Variants in MARCHF1 observed in about 807,000 individuals in gnomAD.
MARCHF1 encodes the protein membrane associated ring-CH-type finger 1.
MARCHF1 carries 40 observed loss-of-function variants against 54.2 expected under a neutral mutation model. The ratio of observed to expected loss-of-function variants is 0.74; its 90% confidence interval spans 0.57 to 0.96. The LOEUF is 0.96. Ranked by LOEUF, MARCHF1 falls within the 40% of genes least tolerant of loss-of-function variation. The pLI, the probability that MARCHF1 is intolerant of heterozygous loss-of-function variation, is 0.00. For synonymous variants in MARCHF1, 236 were observed against 236.3 expected, an observed-to-expected ratio of 1.00 and a Z score of 0.01; for missense variants, 586 against 656.5, an observed-to-expected ratio of 0.89 and a Z score of 1.17.
intron 1 of MARCHF1, among the ~76,000 whole-genome samples, chr4:164,154,858 C>T (rs1730035182): frequency 6.6e-6 from 1 of 152,192 alleles, no homozygotes; most frequent in Non-Finnish European, 1.5e-5. Context: ...ACTCAGGTCA[C>T]ACACGGACTT....
At chr4:163,671,646 T>C (rs1051094951) in intron 5 of MARCHF1, among the ~76,000 whole-genome samples, 1 of 152,200 alleles carries the variant, frequency 6.6e-6, no homozygotes, top group Non-Finnish European at 1.5e-5. Context: ...CCTTATGCTA[T>C]ATTTTCTTAT....
At chr4:164,099,728 T>A (rs1755497282) in intron 2 of MARCHF1, among the ~76,000 whole-genome samples, 1 of 152,172 alleles carries the variant, frequency 6.6e-6, no homozygotes, top group Admixed American at 6.5e-5. Context: ...AAAAACCTTT[T>A]AAAATATATT....
intron 2 of MARCHF1, among the ~76,000 whole-genome samples, chr4:164,086,932 C>T (rs1755204310): frequency 6.6e-6 from 1 of 151,922 alleles, no homozygotes; most frequent in South Asian, 2.1e-4. Flanking sequence ...AAAAACTAAC[C>T]TTAAAAACAC....
intron 1 of MARCHF1, chr4:164,189,560 A>G (rs1363070168): frequency 2.2e-6 from 2 of 916,368 alleles, no homozygotes; most frequent in Non-Finnish European, 3.6e-6. Flanking sequence ...GCTGTAGTGC[A>G]TGGTGCTGCT....
intron 3 of MARCHF1, among the ~76,000 whole-genome samples, chr4:163,879,959 CAT>C (rs1750379275): frequency 6.6e-6 from 1 of 152,010 alleles, no homozygotes; most frequent in African/African-American, 2.4e-5. Context: ...CCTAAGGTAA[CAT>C]CTAATTAGCA....
chr4:163,761,590 G>A (rs1746827258), intron 4 of MARCHF1, among the ~76,000 whole-genome samples: 1 of 152,194 alleles, frequency 6.6e-6, no homozygotes, highest in Non-Finnish European at 1.5e-5. Flanking sequence ...CAGAATGTCT[G>A]AATGATAGCA....
intron 1 of MARCHF1, among the ~76,000 whole-genome samples, chr4:164,359,392 C>T (rs1294585116): frequency 1.3e-5 from 2 of 152,158 alleles, no homozygotes; most frequent in African/African-American, 4.8e-5. Flanking sequence ...TTCCATCAAG[C>T]TACTATTTCT....
intron 5 of MARCHF1, among the ~76,000 whole-genome samples, chr4:163,677,326 G>T (rs1476906294): frequency 6.6e-6 from 1 of 152,104 alleles, no homozygotes; most frequent in South Asian, 2.1e-4. Flanking sequence ...GTGTGATTTG[G>T]TCATCATTTA....
intron 3 of MARCHF1, among the ~76,000 whole-genome samples, chr4:163,879,881 T>C (rs1750377849): frequency 6.6e-6 from 1 of 151,374 alleles, no homozygotes. Flanking sequence ...GTAACTTGCA[T>C]ACATTGAAAG....
intron 9 of MARCHF1, among the ~76,000 whole-genome samples, chr4:163,534,160 C>CAGGGA (rs1290993049): frequency 1.3e-5 from 2 of 152,016 alleles, no homozygotes; most frequent in Non-Finnish European, 2.9e-5. Context: ...GAACCCACTC[C>CAGGGA]AGGGAGAAAA....
intron 1 of MARCHF1, among the ~76,000 whole-genome samples, chr4:164,223,518 G>T (rs62348001): frequency 6.6e-6 from 1 of 151,986 alleles, no homozygotes. Flanking sequence ...TCAAGCAATA[G>T]ATATTTATGT....
intron 2 of MARCHF1, among the ~76,000 whole-genome samples, chr4:164,075,114 G>C (rs1754950223): frequency 6.6e-6 from 1 of 151,982 alleles, no homozygotes; most frequent in South Asian, 2.1e-4. Flanking sequence ...GTTATCTCAG[G>C]CTTTTCTATT....
chr4:164,096,019 G>A (rs1276873712), intron 2 of MARCHF1, among the ~76,000 whole-genome samples: 1 of 151,996 alleles, frequency 6.6e-6, no homozygotes, highest in East Asian at 1.9e-4. Flanking sequence ...ATTTCTTAAA[G>A]AACTAAAAAA....
chr4:163,537,790 C>T (rs1738589280), intron 9 of MARCHF1, among the ~76,000 whole-genome samples: 1 of 152,144 alleles, frequency 6.6e-6, no homozygotes, highest in South Asian at 2.1e-4. Context: ...ATTCACATTC[C>T]ATGTTATGCT....
intron 1 of MARCHF1, among the ~76,000 whole-genome samples, chr4:164,307,640 C>T (rs1228770725): frequency 6.8e-6 from 1 of 147,774 alleles, no homozygotes; most frequent in Non-Finnish European, 1.5e-5. Context: ...AATAATTCAA[C>T]AACAACAAAA....
At chr4:163,929,839 G>A (rs1249436442) in intron 3 of MARCHF1, among the ~76,000 whole-genome samples, 1 of 147,348 alleles carries the variant, frequency 6.8e-6, no homozygotes, top group Non-Finnish European at 1.5e-5. Flanking sequence ...TTCTAGCATG[G>A]TAATATAATA....
At chr4:164,214,627 T>C (rs181925381) in intron 1 of MARCHF1, among the ~76,000 whole-genome samples, 1 of 152,330 alleles carries the variant, frequency 6.6e-6, no homozygotes, top group Non-Finnish European at 1.5e-5. Flanking sequence ...TTAGAATCTT[T>C]GTCAGTTTAG....
chr4:164,349,301 G>A (rs1347385188), intron 1 of MARCHF1, among the ~76,000 whole-genome samples: 4 of 134,716 alleles, frequency 3.0e-5, no homozygotes, highest in Admixed American at 7.3e-5. Context: ...TCTATCTCCT[G>A]GGTAGAAGTT....
chr4:164,340,828 G>A (rs187088296), intron 1 of MARCHF1, among the ~76,000 whole-genome samples: 30 of 150,410 alleles, frequency 2.0e-4, no homozygotes, highest in Middle Eastern at 3.5e-3. Flanking sequence ...AAAGTACTAC[G>A]ATTACAGGTG....
Sources: gnomAD v4.1 joint callset for allele counts (sites outside exome capture counted in the v4.1 genomes callset) on GRCh38, gnomAD v4.1.1 for gene constraint, MANE v1.5 for transcripts, NCBI Gene and HGNC (gene_info 2026-07-23, HGNC 2026-07-21) for gene names.